LHPP: variants seen among roughly 807,000 people sequenced by gnomAD.
LHPP encodes the protein phospholysine phosphohistidine inorganic pyrophosphate phosphatase, also known as hLHPP.
In LHPP, 24 loss-of-function variants were observed where a neutral mutation model predicts 30.3. The ratio of observed to expected loss-of-function variants is 0.79; its 90% CI spans 0.57 to 1.11. The LOEUF (loss-of-function observed/expected upper bound fraction) is 1.11. Ranked by LOEUF, LHPP falls within the 50% of genes most tolerant of loss-of-function variation. The pLI is 0.00. For synonymous variants in LHPP, 150 were observed against 157.1 expected (o/e 0.95, Z 0.34); for missense variants, 356 against 367.2 (o/e 0.97, Z 0.25).
intron 6 of LHPP, among the ~76,000 whole-genome samples, chr10:124,598,407 G>A (rs575676540): frequency 2.2e-4 from 34 of 152,342 alleles, no homozygotes; most frequent in Middle Eastern, 3.4e-3. Flanking sequence ...CTTGGCCACC[G>A]CAGGGCAGGA....
chr10:124,585,874 G>A (rs946442728), intron 6 of LHPP, among the ~76,000 whole-genome samples: 6 of 151,952 alleles, frequency 3.9e-5, no homozygotes, highest in East Asian at 3.9e-4. Flanking sequence ...AACCTCTGCC[G>A]CCTGGGTTTA....
chr10:124,498,594 T>C (rs1409424860), intron 5 of LHPP: 2 of 847,874 alleles, frequency 2.4e-6, no homozygotes, highest in East Asian at 5.3e-5. Flanking sequence ...ATGATTTTAT[T>C]GTCTACACCT....
intron 6 of LHPP, among the ~76,000 whole-genome samples, chr10:124,611,876 C>T (rs1208064500): frequency 1.3e-5 from 2 of 152,206 alleles, no homozygotes; most frequent in Non-Finnish European, 2.9e-5. Flanking sequence ...GCGCTGCTGC[C>T]GGGAGACTGT....
At chr10:124,511,227 T>G (rs769844623) in intron 5 of LHPP, among the ~76,000 whole-genome samples, 27 of 152,272 alleles carry the variant, frequency 1.8e-4, no homozygotes, top group Non-Finnish European at 3.4e-4. Flanking sequence ...AAATGTATTT[T>G]AAAAGGAACT....
rs1209430656 is a variant in LHPP, at chr10:124,478,403, G to T, written c.126-5736G>T. 6.6e-6 allele frequency among the ~76,000 whole-genome samples: 1 copy of T among 152,284 alleles called. No homozygotes were observed. The highest frequency in any genetic ancestry group is 1.9e-4 in the East Asian group (1 of 5,168). ...GGCCCAGCTGGGAGGGGCTCATGCTGCCCTTTTCCTGAGGCCCCCTGCTGC... is the reference window on the plus strand; with the variant it reads ...GGCCCAGCTGGGAGGGGCTCATGCTTCCCTTTTCCTGAGGCCCCCTGCTGC... On this transcript the variant is annotated intron_variant, in intron 1 of 6. Coordinates refer to ENST00000368842, the MANE Select transcript of LHPP (RefSeq NM_022126.4). This position sits in a 1 kb window ranked among gnomAD's most constrained non-coding sequence, Gnocchi z 4.7.
intron 3 of LHPP, among the ~76,000 whole-genome samples, chr10:124,493,180 T>A (rs1040043424): frequency 2.6e-5 from 4 of 150,976 alleles, no homozygotes; most frequent in Non-Finnish European, 5.9e-5. Flanking sequence ...AATGTCATAG[T>A]AGACAAGGGT....
rs1180978766 is a variant in LHPP, at chr10:124,496,481, C to T, written c.468-480C>T. On this transcript the variant is annotated intron_variant, in intron 3 of 6. Transcript: ENST00000368842. This position sits in a 1 kb window ranked among gnomAD's most constrained non-coding sequence, Gnocchi z 4.3. ...GGCACCTCGCTTGACCTCCGGCTAA[C>T]GGGATGCGGCAGGGTGCTGTGGAAC... 6.6e-6 allele frequency among the ~76,000 whole-genome samples: 1 copy of T among 152,192 alleles called. No individual in the cohort carries two copies. The highest frequency in any genetic ancestry group is 2.4e-5 in the African/African-American group (1 of 41,452).
At position 124,613,400 on chromosome 10, in the gene LHPP, CTCCTCCACCCCTGCCT is replaced by C; in HGVS notation, c.*41_*56del. 7.1e-7 allele frequency: 1 copy of C among 1,399,510 alleles called. No individual in the cohort carries two copies. Among genetic ancestry groups the C allele is most frequent in the Non-Finnish European group, 1.0e-6 (1 of 1,002,400 alleles). 86.7% of individuals were successfully genotyped at this position (1,399,510 alleles called of 1,614,324 possible). ...AGCCCCGCCTCCTCCACCCCTGCCT[CTCCTCCACCCCTGCCT>C]CCCCTCCACCCCTGCCTCTCCTCCA... On this transcript the variant is annotated 3_prime_UTR_variant, in exon 7 of 7. Coordinates refer to ENST00000368842, the MANE Select transcript of LHPP (RefSeq NM_022126.4).
chr10:124,567,707 C>T (rs2133977093), intron 6 of LHPP, among the ~76,000 whole-genome samples: 1 of 152,332 alleles, frequency 6.6e-6, no homozygotes. Context: ...CTGTTACTCT[C>T]CTCGGTTAGA....
At chr10:124,564,290 A>G (rs1041721969) in intron 6 of LHPP, among the ~76,000 whole-genome samples, 4 of 151,778 alleles carry the variant, frequency 2.6e-5, no homozygotes, top group Non-Finnish European at 5.9e-5. Flanking sequence ...CACCCAGCTA[A>G]TTTTTTGTAT....
At chr10:124,553,554 G>A (rs1434007176) in intron 6 of LHPP, among the ~76,000 whole-genome samples, 2 of 147,778 alleles carry the variant, frequency 1.4e-5, no homozygotes, top group African/African-American at 5.0e-5. Flanking sequence ...CGCCTCCCGG[G>A]TTCACGCCAT....
At chr10:124,610,830 AGGGTGAGGGTGAGGGTGTTGACGGAGC>A (rs1949178946) in intron 6 of LHPP, among the ~76,000 whole-genome samples, 1 of 2,286 alleles carries the variant, frequency 4.4e-4, no homozygotes, top group Non-Finnish European at 2.0e-3. Flanking sequence ...GGTGAGGGTG[AGGGTGAGGGTGAGGGTGTTGACGGAGC>A]GGGTGAGGGT....
At chr10:124,518,346 G>A (rs1249636135) in intron 6 of LHPP, among the ~76,000 whole-genome samples, 3 of 152,240 alleles carry the variant, frequency 2.0e-5, no homozygotes, top group Non-Finnish European at 4.4e-5. Context: ...CCACAGGAAC[G>A]TTTTTTTCCA....
chr10:124,490,122 G>A (rs1460895212), intron 3 of LHPP: 1 of 174,608 alleles, frequency 5.7e-6, no homozygotes, highest in African/African-American at 2.4e-5. Flanking sequence ...CTCTGTCTGT[G>A]GGTGTCTCTC....
At chr10:124,604,087 G>A (rs781593898) in intron 6 of LHPP, among the ~76,000 whole-genome samples, 27 of 152,210 alleles carry the variant, frequency 1.8e-4, no homozygotes, top group Non-Finnish European at 3.2e-4. Flanking sequence ...CAGGCTCCAT[G>A]GGAAGGAGCT....
chr10:124,575,151 A>G (rs1948641231), intron 6 of LHPP, among the ~76,000 whole-genome samples: 1 of 152,160 alleles, frequency 6.6e-6, no homozygotes, highest in African/African-American at 2.4e-5. Flanking sequence ...CAAAGGGCAA[A>G]ATAGGAAGTT....
Position 124,552,749 on chromosome 10 carries a change from G to A in LHPP, c.716+35478G>A, listed in dbSNP as rs76284169. ...CAAGGTCCCCGCCTGCAAAGGACCA[G>A]CCCCAGCATGAGGCCCTGAAAGTGG... On this transcript the variant is annotated intron_variant, in intron 6 of 6. Coordinates refer to ENST00000368842, the MANE Select transcript of LHPP (RefSeq NM_022126.4). Among the ~76,000 whole-genome samples the A allele has an allele frequency of 5.9e-5, 9 of 152,280 alleles. No homozygotes were observed. The East Asian group carries it at 1.7e-3, about 29-fold the overall frequency.
rs549099327 is a variant in LHPP, at chr10:124,466,629, G to C, written c.125+4642G>C. On this transcript the variant is annotated intron_variant, in intron 1 of 6. Transcript: ENST00000368842. ...CTGCCACCATGCCTGGCTAATTTTT[G>C]TATTTTTAGTAGAGATGGGGTTTTG... Among the ~76,000 whole-genome samples the C allele has an allele frequency of 2.6e-5, 4 of 151,846 alleles. No individual in the cohort carries two copies. In the East Asian group the frequency reaches 7.9e-4, roughly 30 times the overall value.
At chr10:124,500,553 T>C (rs886421254) in intron 5 of LHPP, among the ~76,000 whole-genome samples, 11 of 151,958 alleles carry the variant, frequency 7.2e-5, no homozygotes, top group Admixed American at 7.2e-4. Flanking sequence ...AATTGTATCC[T>C]TTCATGTTGT....
Sources: gnomAD v4.1 joint callset for allele counts (sites outside exome capture counted in the v4.1 genomes callset) on GRCh38, gnomAD v4.1.1 for gene constraint, Gnocchi (gnomAD v3.1) non-coding constraint, MANE v1.5 for transcripts, NCBI Gene and HGNC (gene_info 2026-07-23, HGNC 2026-07-21) for gene names.